The following CTNNA3 variants were observed in gnomAD, a reference collection of about 807,000 sequenced individuals.
CTNNA3 encodes the protein catenin alpha-3.
CTNNA3 carries 76 observed loss-of-function variants against 95.7 expected under a neutral mutation model. That is an observed-to-expected ratio of 0.79 (90% CI 0.66 to 0.96). CTNNA3 has a LOEUF of 0.96. Ranked by LOEUF, CTNNA3 falls within the 40% of genes least tolerant of loss-of-function variation. The pLI, the probability that CTNNA3 is intolerant of heterozygous loss-of-function variation, is 0.00. For missense variants in CTNNA3, 1,191 were observed against 1,089.8 expected, an observed-to-expected ratio of 1.09 and a Z score of -1.31; for synonymous variants, 431 against 374.4, an observed-to-expected ratio of 1.15 and a Z score of -1.74.
At chr10:67,720,286 G>A (rs999587791) in intron 1 of CTNNA3, among the ~76,000 whole-genome samples, 3 of 150,722 alleles carry the variant, frequency 2.0e-5, no homozygotes, top group Admixed American at 6.6e-5. Context: ...TATCCAATTT[G>A]CCAGTCTATG....
At chr10:66,419,160 A>G (rs140756440) in intron 11 of CTNNA3, among the ~76,000 whole-genome samples, 2 of 152,308 alleles carry the variant, frequency 1.3e-5, no homozygotes, top group East Asian at 3.9e-4. Context: ...GAGTTGTTAA[A>G]CAAATTCAGT....
At chr10:66,022,597 TGA>T (rs1491113912) in intron 15 of CTNNA3, among the ~76,000 whole-genome samples, 3 of 90,488 alleles carry the variant, frequency 3.3e-5, no homozygotes, top group African/African-American at 9.5e-5. Flanking sequence ...GATATGCACA[TGA>T]CACACACACA....
At chr10:67,695,128 G>A (rs1002027945) in intron 1 of CTNNA3, among the ~76,000 whole-genome samples, 1 of 152,132 alleles carries the variant, frequency 6.6e-6, no homozygotes, top group African/African-American at 2.4e-5. Context: ...TGTCTAAAAA[G>A]CTAGCCACAA....
chr10:66,413,728 T>A (rs2093125581), intron 11 of CTNNA3, among the ~76,000 whole-genome samples: 1 of 152,206 alleles, frequency 6.6e-6, no homozygotes, highest in Non-Finnish European at 1.5e-5. Context: ...AAATCCATTA[T>A]CCAGAAGGTT....
chr10:67,127,085 T>G (rs533771612), intron 7 of CTNNA3, among the ~76,000 whole-genome samples: 56 of 152,342 alleles, frequency 3.7e-4, no homozygotes, highest in African/African-American at 1.3e-3. Context: ...ATTTCTTTAT[T>G]TCCTCATGAA....
At chr10:67,039,401 G>C (rs1236846442) in intron 7 of CTNNA3, among the ~76,000 whole-genome samples, 1 of 152,118 alleles carries the variant, frequency 6.6e-6, no homozygotes, top group African/African-American at 2.4e-5. Flanking sequence ...CCTAGTATTA[G>C]AAAAGCCTGC....
chr10:67,443,944 T>G (rs886154757), intron 5 of CTNNA3, among the ~76,000 whole-genome samples: 1 of 152,220 alleles, frequency 6.6e-6, no homozygotes, highest in Non-Finnish European at 1.5e-5. Flanking sequence ...AATGTTTAAG[T>G]CTTTAATCCA....
At chr10:66,604,026 T>C (rs1457617791) in intron 10 of CTNNA3, among the ~76,000 whole-genome samples, 1 of 151,974 alleles carries the variant, frequency 6.6e-6, no homozygotes, top group Non-Finnish European at 1.5e-5. Flanking sequence ...TGGGCAAAGA[T>C]TTTTTTAGGT....
intron 10 of CTNNA3, among the ~76,000 whole-genome samples, chr10:66,619,168 C>T (rs1312562288): frequency 7.0e-6 from 1 of 142,174 alleles, no homozygotes; most frequent in Non-Finnish European, 1.6e-5. Context: ...CCTCAGGGAT[C>T]TAGAACTAGA....
At chr10:67,287,592 T>C (rs1189363565) in intron 5 of CTNNA3, among the ~76,000 whole-genome samples, 1 of 152,236 alleles carries the variant, frequency 6.6e-6, no homozygotes, top group Admixed American at 6.5e-5. Flanking sequence ...ATTTTTCTTC[T>C]TGTAGCCATT....
At chr10:67,664,316 T>C (rs1564818084) in intron 1 of CTNNA3, among the ~76,000 whole-genome samples, 1 of 152,194 alleles carries the variant, frequency 6.6e-6, no homozygotes, top group Non-Finnish European at 1.5e-5. Context: ...TGGGGCCACA[T>C]TTACTTTCAC....
At chr10:66,494,355 T>C (rs954887723) in intron 11 of CTNNA3, among the ~76,000 whole-genome samples, 13 of 152,248 alleles carry the variant, frequency 8.5e-5, no homozygotes, top group African/African-American at 3.1e-4. Flanking sequence ...GTGTAGCAGA[T>C]ACTGCCAGGT....
chr10:66,649,293 C>G (rs1199903112), intron 9 of CTNNA3, among the ~76,000 whole-genome samples: 1 of 151,960 alleles, frequency 6.6e-6, no homozygotes, highest in Non-Finnish European at 1.5e-5. Flanking sequence ...CAGTGCTTAT[C>G]CCCACAGAGA....
At chr10:67,209,619 A>C (rs1004310394) in intron 6 of CTNNA3, among the ~76,000 whole-genome samples, 1 of 152,026 alleles carries the variant, frequency 6.6e-6, no homozygotes, top group Non-Finnish European at 1.5e-5. Context: ...CCCCAAAAAA[A>C]TTCCAAACAT....
chr10:65,931,044 T>C (rs894078491), intron 17 of CTNNA3, among the ~76,000 whole-genome samples: 12 of 152,204 alleles, frequency 7.9e-5, no homozygotes, highest in African/African-American at 2.9e-4. Context: ...TTGCCACATG[T>C]TGAAAATTTC....
At chr10:66,538,587 C>A (rs375352277) in intron 10 of CTNNA3, among the ~76,000 whole-genome samples, 1 of 152,220 alleles carries the variant, frequency 6.6e-6, no homozygotes, top group Admixed American at 6.5e-5. Flanking sequence ...CAGATAGATA[C>A]GTGACTCTCC....
intron 7 of CTNNA3, among the ~76,000 whole-genome samples, chr10:66,999,351 T>C (rs1299080842): frequency 6.6e-6 from 1 of 152,154 alleles, no homozygotes; most frequent in Non-Finnish European, 1.5e-5. Context: ...CTGCCTAACA[T>C]TTTCAAGAAA....
chr10:66,685,215 A>ATG lies in CTNNA3; in HGVS notation c.1282-63433_1282-63432dup, dbSNP rs768664271. ...CGTGTATATATATATACGTATATATATGTGTATATATATACGTATATATGT... is the reference window on the plus strand; with the variant it reads ...CGTGTATATATATATACGTATATATATGTGTGTATATATATACGTATATATGT... On this transcript the variant is annotated intron_variant, in intron 9 of 17. Coordinates refer to ENST00000433211, the MANE Select transcript of CTNNA3 (RefSeq NM_013266.4). Among the ~76,000 whole-genome samples, 80 of 131,468 alleles carry ATG rather than the reference A, an allele frequency of 6.1e-4. 1 individual carries two copies. Among genetic ancestry groups the ATG allele is most frequent in the Non-Finnish European group, 1.2e-3 (71 of 61,396 alleles). The allele number at this position is 131,468 out of a possible 152,430, so 86.2% of individuals were successfully genotyped here.
intron 12 of CTNNA3, among the ~76,000 whole-genome samples, chr10:66,340,292 A>G (rs2092440296): frequency 6.6e-6 from 1 of 151,832 alleles, no homozygotes; most frequent in Non-Finnish European, 1.5e-5. Context: ...GAATTTTTCC[A>G]TTGCAGATAC....
Sources: gnomAD v4.1 joint callset for allele counts (sites outside exome capture counted in the v4.1 genomes callset) on GRCh38, gnomAD v4.1.1 for gene constraint, MANE v1.5 for transcripts, NCBI Gene and HGNC (gene_info 2026-07-23, HGNC 2026-07-21) for gene names.